LPP: variants seen among roughly 807,000 people sequenced by gnomAD.
LPP encodes the protein lipoma-preferred partner.
In LPP, 38 loss-of-function variants were observed where a neutral mutation model predicts 60.4. The observed-to-expected ratio is 0.63, with a 90% confidence interval of 0.49 to 0.83. The LOEUF (loss-of-function observed/expected upper bound fraction) is 0.83. LPP is among the 40% of genes least tolerant of loss of function. The pLI, the probability that LPP is intolerant of heterozygous loss-of-function variation, is 0.00. For missense variants in LPP, 902 were observed against 783.6 expected, an observed-to-expected ratio of 1.15 and a Z score of -1.80; for synonymous variants, 328 against 290.8, an observed-to-expected ratio of 1.13 and a Z score of -1.30.
chr3:188,702,525 C>T (rs1864683659), intron 7 of LPP, among the ~76,000 whole-genome samples: 1 of 152,080 alleles, frequency 6.6e-6, no homozygotes, highest in African/African-American at 2.4e-5. Flanking sequence ...TTGTTAGAGA[C>T]AGGATCTCTG....
intron 1 of LPP, among the ~76,000 whole-genome samples, chr3:188,197,001 T>C (rs1729725309): frequency 6.6e-6 from 1 of 152,224 alleles, no homozygotes; most frequent in Admixed American, 6.5e-5. Context: ...CTGGGCTGCA[T>C]TTCCTTGAGA....
intron 4 of LPP, among the ~76,000 whole-genome samples, chr3:188,480,557 T>C (rs1324234302): frequency 1.3e-5 from 2 of 152,258 alleles, no homozygotes; most frequent in Non-Finnish European, 2.9e-5. Flanking sequence ...AAGGCACGTG[T>C]CTATGACCAC....
intron 3 of LPP, among the ~76,000 whole-genome samples, chr3:188,400,112 A>G (rs919495910): frequency 6.6e-6 from 1 of 151,400 alleles, no homozygotes; most frequent in Non-Finnish European, 1.5e-5. Flanking sequence ...CCTGTGGCTT[A>G]TTATGATTAG....
At chr3:188,654,089 G>T (rs1852635827) in intron 7 of LPP, among the ~76,000 whole-genome samples, 1 of 152,194 alleles carries the variant, frequency 6.6e-6, no homozygotes, top group Admixed American at 6.5e-5. Flanking sequence ...AAGTCACAAA[G>T]ATTTCCTGAG....
chr3:188,431,949 T>C (rs571460953), intron 4 of LPP, among the ~76,000 whole-genome samples: 2 of 152,304 alleles, frequency 1.3e-5, no homozygotes, highest in East Asian at 1.9e-4. Context: ...CCCCATGTCC[T>C]TTCATTCTAA....
At chr3:188,780,231 T>G (rs1739209633) in intron 9 of LPP, among the ~76,000 whole-genome samples, 1 of 152,166 alleles carries the variant, frequency 6.6e-6, no homozygotes, top group Admixed American at 6.5e-5. Flanking sequence ...TTAATCAGAT[T>G]AAAGGACTCT....
rs545913602 is a variant in LPP at position 188,886,848 on chromosome 3, T to TAA, written c.*12371_*12372dup. 95 of 228,708 alleles carry TAA rather than the reference T, an allele frequency of 4.2e-4. No homozygotes were observed. Among genetic ancestry groups the TAA allele is most frequent in the African/African-American group, 2.0e-3 (92 of 45,014 alleles). 14.2% of individuals were successfully genotyped at this position (228,708 alleles called of 1,614,324 possible). A position where few individuals can be genotyped will look rare whatever the true frequency, so the allele number is the denominator to read the frequency against. Reference sequence around the variant, plus strand: ...TTCAGGCCAGAAAATTAATAAATCCTAAACCTGACCCATTTTTGTAACAGC... The same window carrying TAA: ...TTCAGGCCAGAAAATTAATAAATCCTAAAAACCTGACCCATTTTTGTAACAGC... On this transcript the variant is annotated 3_prime_UTR_variant, in exon 12 of 12. Coordinates refer to ENST00000617246, the MANE Select transcript of LPP (RefSeq NM_001375462.1).
At chr3:188,724,405 CCTT>C (rs1717599441) in intron 8 of LPP, among the ~76,000 whole-genome samples, 2 of 152,170 alleles carry the variant, frequency 1.3e-5, no homozygotes, top group Non-Finnish European at 2.9e-5. Context: ...CCTCTACTTT[CCTT>C]GGGGGATGTT....
At chr3:188,252,305 T>C (rs1447745505) in intron 2 of LPP, among the ~76,000 whole-genome samples, 1 of 147,028 alleles carries the variant, frequency 6.8e-6, no homozygotes, top group Non-Finnish European at 1.5e-5. Context: ...TTTTTTGCAC[T>C]CCCTCTCTTC....
At chr3:188,156,717 G>T (rs1716552078) in intron 1 of LPP, among the ~76,000 whole-genome samples, 1 of 151,976 alleles carries the variant, frequency 6.6e-6, no homozygotes, top group African/African-American at 2.4e-5. Flanking sequence ...GCCTGTAGTA[G>T]TACCAGCTGC....
chr3:188,346,861 T>C (rs140800390), intron 3 of LPP, among the ~76,000 whole-genome samples: 1 of 152,196 alleles, frequency 6.6e-6, no homozygotes, highest in Non-Finnish European at 1.5e-5. Context: ...TAGTCACCTA[T>C]TGTTATACTC....
At chr3:188,266,469 T>C (rs951848454) in intron 2 of LPP, among the ~76,000 whole-genome samples, 2 of 142,894 alleles carry the variant, frequency 1.4e-5, no homozygotes, top group African/African-American at 5.3e-5. Flanking sequence ...GGAGAAGATG[T>C]GAAAGGAGAG....
intron 9 of LPP, among the ~76,000 whole-genome samples, chr3:188,766,501 A>G (rs1050783270): frequency 1.6e-4 from 25 of 152,170 alleles, no homozygotes; most frequent in African/African-American, 5.8e-4. Flanking sequence ...ATCCTAGAAA[A>G]TAGTTACAGT....
At chr3:188,317,648 T>C (rs2150342693) in intron 2 of LPP, among the ~76,000 whole-genome samples, 1 of 152,292 alleles carries the variant, frequency 6.6e-6, no homozygotes, top group East Asian at 1.9e-4. Flanking sequence ...AAGTTATATT[T>C]AGTGTAGTGC....
chr3:188,855,242 C>A (rs1488744912), intron 9 of LPP, among the ~76,000 whole-genome samples: 3 of 152,092 alleles, frequency 2.0e-5, no homozygotes, highest in South Asian at 2.1e-4. Context: ...TTGTAAGAGG[C>A]CTTAGATTTT....
At chr3:188,735,812 C>T (rs182693258) in intron 8 of LPP, among the ~76,000 whole-genome samples, 6 of 152,254 alleles carry the variant, frequency 3.9e-5, no homozygotes, top group African/African-American at 9.6e-5. Flanking sequence ...CAAGTGACAA[C>T]GGGGCTGGGC....
chr3:188,189,818 G>T (rs1727627458), intron 1 of LPP, among the ~76,000 whole-genome samples: 1 of 152,120 alleles, frequency 6.6e-6, no homozygotes, highest in African/African-American at 2.4e-5. Flanking sequence ...GAAAGGGTCT[G>T]TGAAAGAGGG....
chr3:188,579,356 C>T (rs1408839947), intron 6 of LPP, among the ~76,000 whole-genome samples: 1 of 152,172 alleles, frequency 6.6e-6, no homozygotes, highest in Admixed American at 6.5e-5. Flanking sequence ...CTGGGTTCCA[C>T]CCAATCTCTA....
chr3:188,843,958 G>A (rs896237247), intron 9 of LPP, among the ~76,000 whole-genome samples: 1 of 151,820 alleles, frequency 6.6e-6, no homozygotes, highest in Non-Finnish European at 1.5e-5. Context: ...ATTGAAGCCT[G>A]GAGAAGAAAT....
Sources: gnomAD v4.1 joint callset for allele counts (sites outside exome capture counted in the v4.1 genomes callset) on GRCh38, gnomAD v4.1.1 for gene constraint, MANE v1.5 for transcripts, NCBI Gene and HGNC (gene_info 2026-07-23, HGNC 2026-07-21) for gene names.